PRKCE: variants seen among roughly 807,000 people sequenced by gnomAD.
PRKCE encodes protein kinase C epsilon.
In PRKCE, 16 loss-of-function variants were observed where a neutral mutation model predicts 85.4. That is an observed-to-expected ratio of 0.19 (90% CI 0.13 to 0.28). PRKCE has a LOEUF of 0.28. Ranked by LOEUF, PRKCE falls within the 10% of genes least tolerant of loss-of-function variation. The probability of loss-of-function intolerance (pLI) is 1.00; values close to 1 mark genes in which losing one functional copy is unlikely to be tolerated. For missense variants in PRKCE, 573 were observed against 975.2 expected, an observed-to-expected ratio of 0.59 and a Z score of 5.49; for synonymous variants, 388 against 371.5, an observed-to-expected ratio of 1.04 and a Z score of -0.51.
intron 1 of PRKCE, among the ~76,000 whole-genome samples, chr2:45,758,848 C>T (rs758094595): frequency 2.6e-5 from 4 of 152,296 alleles, no homozygotes; most frequent in Middle Eastern, 3.4e-3. Context: ...AATCACCTAG[C>T]GTCTTCAGGC....
intron 10 of PRKCE, among the ~76,000 whole-genome samples, chr2:46,075,332 G>A (rs922666343): frequency 4.6e-5 from 7 of 151,274 alleles, no homozygotes; most frequent in Admixed American, 1.3e-4. Flanking sequence ...CACCGTGCCC[G>A]GCCCGCTCAA....
intron 2 of PRKCE, among the ~76,000 whole-genome samples, chr2:45,969,924 AATGTGATTC>A (rs1701997705): frequency 6.6e-6 from 1 of 152,174 alleles, no homozygotes; most frequent in South Asian, 2.1e-4. Context: ...CTGTCGTTGT[AATGTGATTC>A]ATCAGACCAT....
At chr2:46,005,373 G>A (rs1574196909) in intron 8 of PRKCE, among the ~76,000 whole-genome samples, 1 of 152,154 alleles carries the variant, frequency 6.6e-6, no homozygotes, top group Admixed American at 6.5e-5. Context: ...CCTGGTAAGG[G>A]ACATATGCAT....
chr2:46,079,539 G>C (rs959442120), intron 10 of PRKCE, among the ~76,000 whole-genome samples: 1 of 152,234 alleles, frequency 6.6e-6, no homozygotes, highest in Non-Finnish European at 1.5e-5. Flanking sequence ...ATGTTTCAGA[G>C]TGTGAAGTTA....
intron 1 of PRKCE, among the ~76,000 whole-genome samples, chr2:45,778,465 G>A (rs182706795): frequency 5.9e-4 from 90 of 152,252 alleles, no homozygotes; most frequent in Non-Finnish European, 1.0e-3. Context: ...GTTGAGTCAA[G>A]GTTTGGACTT....
intron 14 of PRKCE, among the ~76,000 whole-genome samples, chr2:46,183,893 T>C (rs578129776): frequency 6.6e-6 from 1 of 152,328 alleles, no homozygotes; most frequent in East Asian, 1.9e-4. Context: ...TTACTTATAC[T>C]TCCTGATTTT....
intron 5 of PRKCE, among the ~76,000 whole-genome samples, chr2:45,983,180 A>G (rs893672412): frequency 3.3e-5 from 5 of 152,346 alleles, no homozygotes; most frequent in African/African-American, 9.6e-5. Flanking sequence ...TCTTGGTCCA[A>G]TGGAAGGATC....
At chr2:45,854,598 T>G (rs1692532116) in intron 2 of PRKCE, among the ~76,000 whole-genome samples, 1 of 152,192 alleles carries the variant, frequency 6.6e-6, no homozygotes, top group East Asian at 1.9e-4. Context: ...TCAACAGGAT[T>G]GCAAGGAAAG....
chr2:45,823,843 A>C (rs1432136961), intron 1 of PRKCE, among the ~76,000 whole-genome samples: 1 of 152,218 alleles, frequency 6.6e-6, no homozygotes, highest in East Asian at 1.9e-4. Flanking sequence ...GCTCTGGACA[A>C]CTGGGTCTGT....
intron 1 of PRKCE, among the ~76,000 whole-genome samples, chr2:45,787,509 G>T (rs1426628297): frequency 1.3e-5 from 2 of 152,258 alleles, no homozygotes; most frequent in East Asian, 3.9e-4. Context: ...AGGCAATGGA[G>T]CCAGGCAGGT....
chr2:45,818,234 G>T (rs1320818300), intron 1 of PRKCE, among the ~76,000 whole-genome samples: 1 of 152,156 alleles, frequency 6.6e-6, no homozygotes, highest in African/African-American at 2.4e-5. Flanking sequence ...TACATCAAAA[G>T]GTTCATTCCA....
chr2:46,103,438 C>G (rs1025475152), intron 11 of PRKCE, among the ~76,000 whole-genome samples: 1 of 152,092 alleles, frequency 6.6e-6, no homozygotes, highest in Non-Finnish European at 1.5e-5. Context: ...TCTTGTAGTC[C>G]CTCTCAAAGG....
chr2:46,178,850 A>C (rs1285859129), intron 14 of PRKCE, among the ~76,000 whole-genome samples: 1 of 152,186 alleles, frequency 6.6e-6, no homozygotes, highest in Middle Eastern at 3.2e-3. Context: ...ATACACATGA[A>C]ATAGCAGAAG....
intron 7 of PRKCE, among the ~76,000 whole-genome samples, chr2:46,003,551 AAGTATCCTAT>A (rs1167415861): frequency 2.0e-5 from 3 of 152,246 alleles, no homozygotes; most frequent in African/African-American, 7.2e-5. Context: ...TCTTACCTTT[AAGTATCCTAT>A]AGTCTACTTA....
At chr2:45,853,911 C>G (rs1460989072) in intron 2 of PRKCE, among the ~76,000 whole-genome samples, 1 of 152,180 alleles carries the variant, frequency 6.6e-6, no homozygotes, top group East Asian at 1.9e-4. Context: ...CTGTCCTCTC[C>G]CTGTTTATTT....
At chr2:45,998,677 T>A (rs1704418097) in intron 6 of PRKCE, among the ~76,000 whole-genome samples, 1 of 152,232 alleles carries the variant, frequency 6.6e-6, no homozygotes, top group Non-Finnish European at 1.5e-5. Flanking sequence ...ATTATTGACA[T>A]ACTTGGGTTA....
intron 1 of PRKCE, among the ~76,000 whole-genome samples, chr2:45,841,768 G>T (rs3896679): frequency 0.063 from 9,600 of 152,324 alleles, 398 homozygotes; most frequent in East Asian, 0.14. Flanking sequence ...TTCTGACTGG[G>T]CATATCTGGA....
intron 1 of PRKCE, among the ~76,000 whole-genome samples, chr2:45,839,376 G>T (rs934706593): frequency 2.6e-5 from 4 of 151,284 alleles, no homozygotes; most frequent in Non-Finnish European, 5.9e-5. Flanking sequence ...GGTAGCCAAG[G>T]CACCGTAGTG....
At chr2:45,728,575 T>A (rs1364382829) in intron 1 of PRKCE, among the ~76,000 whole-genome samples, 1 of 152,148 alleles carries the variant, frequency 6.6e-6, no homozygotes, top group East Asian at 1.9e-4. Flanking sequence ...GCTGGAATCT[T>A]TGTATCTTAG....
Sources: gnomAD v4.1 joint callset for allele counts (sites outside exome capture counted in the v4.1 genomes callset) on GRCh38, gnomAD v4.1.1 for gene constraint, MANE v1.5 for transcripts, NCBI Gene and HGNC (gene_info 2026-07-23, HGNC 2026-07-21) for gene names.